CECR2: variants seen among roughly 807,000 people sequenced by gnomAD.
CECR2 encodes CECR2 histone acetyl-lysine reader.
Under a neutral mutation model 154.5 loss-of-function variants are expected in CECR2, and 30 were observed. The observed-to-expected ratio is 0.19, with a 90% CI of 0.15 to 0.26. CECR2 has a LOEUF of 0.26. CECR2 is among the 10% of genes least tolerant of loss of function. The pLI is 1.00. For synonymous variants in CECR2, 725 were observed against 683.7 expected (o/e 1.06, Z -0.94); for missense variants, 1,743 against 1,829.3 (o/e 0.95, Z 0.86).
chr22:17,486,096 C>CAA (rs567183280), intron 2 of CECR2, among the ~76,000 whole-genome samples: 288 of 152,362 alleles, frequency 1.9e-3, no homozygotes, highest in African/African-American at 6.3e-3. Context: ...CTTCTCACCT[C>CAA]AGCCTCCTAA....
chr22:17,510,147 C>T (rs1392414307), intron 7 of CECR2, among the ~76,000 whole-genome samples: 8 of 152,162 alleles, frequency 5.3e-5, no homozygotes, highest in African/African-American at 7.2e-5. Context: ...GAAACATTCA[C>T]GTTCTGTATC....
intron 1 of CECR2, among the ~76,000 whole-genome samples, chr22:17,425,546 A>C (rs1284423059): frequency 2.0e-5 from 3 of 152,222 alleles, no homozygotes; most frequent in Non-Finnish European, 4.4e-5. Context: ...CCTTGGGCAC[A>C]CTGAGCAAAT....
chr22:17,419,708 C>CTGTTTCCTCCTTCG (rs148821229), intron 1 of CECR2: 69 of 302,642 alleles, frequency 2.3e-4, no homozygotes, highest in Middle Eastern at 4.2e-4. Flanking sequence ...CGAGCTGGAG[C>CTGTTTCCTCCTTCG]TAGAGAGCTG....
At chr22:17,367,587 A>C (rs1435212096), upstream of CECR2, among the ~76,000 whole-genome samples, 1 of 152,108 alleles carries the variant, frequency 6.6e-6, no homozygotes, top group African/African-American at 2.4e-5. Flanking sequence ...AGGTTTCACA[A>C]TGTTGGCCAG....
intron 8 of CECR2, among the ~76,000 whole-genome samples, chr22:17,521,452 A>G (rs1301139699): frequency 1.3e-5 from 2 of 151,892 alleles, no homozygotes; most frequent in Non-Finnish European, 2.9e-5. Flanking sequence ...ACGCAGGAGA[A>G]TGGTGGAGCT....
At chr22:17,486,213 A>G (rs1369623969) in intron 2 of CECR2, among the ~76,000 whole-genome samples, 1 of 152,220 alleles carries the variant, frequency 6.6e-6, no homozygotes, top group Admixed American at 6.5e-5. Context: ...AAGGAACCTC[A>G]TCATCAAGTA....
chr22:17,509,490 C>A (rs914221105), intron 7 of CECR2, among the ~76,000 whole-genome samples: 1 of 150,878 alleles, frequency 6.6e-6, no homozygotes, highest in African/African-American at 2.4e-5. Context: ...AGTGCAGTAG[C>A]GTGATCATAG....
At chr22:17,370,348 G>T (rs2063042331) in intron 1 of CECR2, among the ~76,000 whole-genome samples, 1 of 147,890 alleles carries the variant, frequency 6.8e-6, no homozygotes, top group Non-Finnish European at 1.5e-5. Flanking sequence ...GGATTAACTC[G>T]GACCGGGGCG....
At position 17,479,251 on chromosome 22, in the gene CECR2, G is replaced by A. The variant is rs117654799; in HGVS notation, c.221+1569G>A. On this transcript the variant is annotated intron_variant, in intron 2 of 18. Coordinates refer to ENST00000262608, the MANE Select transcript of CECR2 (RefSeq NM_001290047.2). ...TTTTGCCAGGTTTCCCGTCACAGAG[G>A]TGGTTGTATTTTAGCCTTAAATGAT... Among the ~76,000 whole-genome samples the A allele has an allele frequency of 7.9e-3, 1,206 of 152,264 alleles. 7 individuals are homozygous for A. Among genetic ancestry groups the A allele is most frequent in the Non-Finnish European group, 0.012 (818 of 68,024 alleles).
rs1300919904 is a variant in CECR2, at chr22:17,518,201, A to ATG, written c.955-5917_955-5916insTG. Among the ~76,000 whole-genome samples, 311 of 152,288 alleles carry ATG rather than the reference A, an allele frequency of 2.0e-3. 2 individuals are homozygous for ATG. The highest frequency in any genetic ancestry group is 7.2e-3 in the African/African-American group (299 of 41,554). On this transcript the variant is annotated intron_variant, in intron 8 of 18. Coordinates refer to ENST00000262608, the MANE Select transcript of CECR2 (RefSeq NM_001290047.2). ...ATTAGGAGAGAGAGCCATTCTGAGG[A>ATG]GCGTTTACATAAATTAAGTGATTAG...
At chr22:17,400,057 T>C (rs1349195560) in intron 1 of CECR2, among the ~76,000 whole-genome samples, 2 of 152,190 alleles carry the variant, frequency 1.3e-5, no homozygotes, top group Non-Finnish European at 1.5e-5. Flanking sequence ...TAAAGCACCA[T>C]TACTTTTTAA....
intron 1 of CECR2, among the ~76,000 whole-genome samples, chr22:17,395,384 G>A (rs1033428003): frequency 5.3e-5 from 8 of 151,228 alleles, no homozygotes; most frequent in African/African-American, 1.7e-4. Context: ...TCGCTCTGTC[G>A]CCCAGGCTGG....
chr22:17,519,764 C>T (rs2056124047), intron 8 of CECR2, among the ~76,000 whole-genome samples: 1 of 151,260 alleles, frequency 6.6e-6, no homozygotes, highest in Non-Finnish European at 1.5e-5. Flanking sequence ...AACACATGAA[C>T]ACTTCCTATG....
intron 2 of CECR2, among the ~76,000 whole-genome samples, chr22:17,480,886 A>G (rs1248314023): frequency 1.3e-5 from 2 of 151,686 alleles, no homozygotes; most frequent in African/African-American, 2.4e-5. Flanking sequence ...CTAAAAATAC[A>G]AAAATTAGCC....
chr22:17,457,025 T>C (rs967352668), intron 1 of CECR2, among the ~76,000 whole-genome samples: 1 of 152,244 alleles, frequency 6.6e-6, no homozygotes, highest in Admixed American at 6.5e-5. Flanking sequence ...AATTTATATT[T>C]ACTAGTTTGT....
At chr22:17,430,675 A>G (rs377646740) in intron 1 of CECR2, among the ~76,000 whole-genome samples, 3 of 152,176 alleles carry the variant, frequency 2.0e-5, no homozygotes, top group South Asian at 2.1e-4. Flanking sequence ...GTTGTTTCTC[A>G]GCATCCAGCC....
chr22:17,381,983 G>A (rs1482863200), intron 1 of CECR2, among the ~76,000 whole-genome samples: 1 of 151,910 alleles, frequency 6.6e-6, no homozygotes, highest in Non-Finnish European at 1.5e-5. Flanking sequence ...CGCCTCCTGG[G>A]TTCACCCCAT....
chr22:17,491,617 AAT>A (rs1399779842), intron 2 of CECR2, among the ~76,000 whole-genome samples: 3 of 151,466 alleles, frequency 2.0e-5, no homozygotes, highest in Non-Finnish European at 4.4e-5. Flanking sequence ...TAGGGCAAAC[AAT>A]ATATATCCTT....
intron 9 of CECR2, among the ~76,000 whole-genome samples, chr22:17,529,514 C>T (rs1165999384): frequency 6.6e-6 from 1 of 151,564 alleles, no homozygotes; most frequent in Non-Finnish European, 1.5e-5. Flanking sequence ...TCGTGACTAA[C>T]ACGGTGAAAC....
Sources: allele counts gnomAD v4.1 joint callset (sites outside exome capture counted in the v4.1 genomes callset), GRCh38; gene constraint gnomAD v4.1.1; transcripts MANE v1.5; gene names NCBI Gene and HGNC (gene_info 2026-07-23, HGNC 2026-07-21).